Variants in JCAD observed in about 807,000 individuals in gnomAD.
The protein encoded by JCAD is junctional cadherin 5-associated protein.
Under a neutral mutation model 98.0 loss-of-function variants are expected in JCAD, and 40 were observed. The observed-to-expected ratio is 0.41, with a 90% CI of 0.32 to 0.53. JCAD has a LOEUF of 0.53. Ranked by LOEUF, JCAD falls within the 20% of genes least tolerant of loss-of-function variation. The pLI is 0.31. For synonymous variants in JCAD, 691 were observed against 682.3 expected (o/e 1.01, Z -0.20); for missense variants, 1,705 against 1,738.1 (o/e 0.98, Z 0.34).
At chr10:30,068,669 C>A (rs1428276300) in intron 2 of JCAD, among the ~76,000 whole-genome samples, 1 of 152,166 alleles carries the variant, frequency 6.6e-6, no homozygotes, top group Non-Finnish European at 1.5e-5. Flanking sequence ...ATCACAGGGC[C>A]AAACTAACAG....
intron 1 of JCAD, among the ~76,000 whole-genome samples, chr10:30,105,860 A>C (rs766432995): frequency 6.6e-6 from 1 of 152,216 alleles, no homozygotes; most frequent in Non-Finnish European, 1.5e-5. Context: ...GTAAAACATC[A>C]AAAGCTGATT....
In JCAD at chr10:30,082,874, AAAAC is replaced by A. The variant is rs1436895745; in HGVS notation, n.129-13057_129-13054del. On this transcript the variant is annotated intron_variant and non_coding_transcript_variant, in intron 1 of 2. Coordinates refer to the JCAD transcript ENST00000465712. Reference sequence around the variant, plus strand: ...CTCAAAAAAAAAAAAAAAAAAAAAAAAAACAAAAAATTAGCTGGGTGTGGTGGCA... The same window carrying A: ...CTCAAAAAAAAAAAAAAAAAAAAAAAAAAAAATTAGCTGGGTGTGGTGGCA... Among the ~76,000 whole-genome samples the A allele has an allele frequency of 3.1e-4, 46 of 147,874 alleles. 1 individual carries two copies. The highest frequency in any genetic ancestry group is 9.1e-4 in the South Asian group (4 of 4,398).
chr10:30,014,873 A>C lies in JCAD; in HGVS notation c.*3010T>G, dbSNP rs1836503358. 1 of 152,234 alleles carries C rather than the reference A, an allele frequency of 6.6e-6. No individual in the cohort carries two copies. The highest frequency in any genetic ancestry group is 1.9e-4 in the East Asian group (1 of 5,204). 9.4% of individuals were successfully genotyped at this position (152,234 alleles called of 1,614,324 possible). On this transcript the variant is annotated 3_prime_UTR_variant, in exon 4 of 4. Transcript: ENST00000375377. ...AACCTACAACTCTGCTAAGGAAACCAGGATCTCAAAGAACAGATTCATGTT... is the reference window on the plus strand; with the variant it reads ...AACCTACAACTCTGCTAAGGAAACCCGGATCTCAAAGAACAGATTCATGTT...
intron 3 of JCAD, among the ~76,000 whole-genome samples, chr10:30,018,764 G>A (rs987009781): frequency 6.6e-6 from 1 of 152,096 alleles, no homozygotes; most frequent in African/African-American, 2.4e-5. Flanking sequence ...AGATTTTCCT[G>A]CCATAGCAGC....
Position 30,026,382 on chromosome 10 carries a change from G to C in JCAD, c.3766C>G (p.Pro1256Ala). Reference protein sequence around the residue: ...KLASPPRRADPDRLMRMKEVS... With the variant: ...KLASPPRRADADRLMRMKEVS... ...TCTTTCATTCTCATCAGGCGGTCAG[G>C]GTCTGCTCTCCTAGGCGGGGAGGCC... is the stretch of plus-strand genomic sequence containing the variant. Residue 1256 changes from proline to alanine, a missense_variant, in exon 3 of 4, where the codon CCT (proline) becomes GCT (alanine). By Grantham distance (27) the Pro-to-Ala change is conservative. Transcript: ENST00000375377. 6.2e-7 allele frequency: 1 copy of C among 1,614,180 alleles called. No homozygotes were observed.
intron 1 of JCAD, among the ~76,000 whole-genome samples, chr10:30,100,506 C>A (rs764900011): frequency 3.3e-5 from 5 of 152,052 alleles, no homozygotes; most frequent in Admixed American, 6.6e-5. Context: ...CTCAGCCTCC[C>A]AAGTAGCTGG....
At chr10:30,058,589 G>GA (rs1589699052) in intron 1 of JCAD, among the ~76,000 whole-genome samples, 3 of 152,326 alleles carry the variant, frequency 2.0e-5, no homozygotes, top group Admixed American at 6.5e-5. Flanking sequence ...TGACGGAAGC[G>GA]AGAGGGGCGC....
intron 1 of JCAD, among the ~76,000 whole-genome samples, chr10:30,104,782 T>TTTTG (rs148220694): frequency 7.9e-5 from 12 of 151,902 alleles, no homozygotes; most frequent in South Asian, 6.2e-4. Flanking sequence ...AGTTTTTTGT[T>TTTTG]TTTGTTTGTT....
intron 2 of JCAD, among the ~76,000 whole-genome samples, chr10:30,069,206 G>A (rs1293473665): frequency 2.0e-5 from 3 of 152,010 alleles, no homozygotes; most frequent in Non-Finnish European, 2.9e-5. Flanking sequence ...TGGTCGCTTC[G>A]GCTCACATTG....
At chr10:30,047,481 C>A in intron 2 of JCAD, 51 bp downstream of exon 2, 1 of 1,566,674 alleles carries the variant, frequency 6.4e-7, no homozygotes, top group Non-Finnish European at 8.6e-7. Context: ...ACATCACCCA[C>A]CGCCAAACTC....
In JCAD at chr10:30,026,243, A is replaced by T. The variant is rs756396212; in HGVS notation, c.3905T>A (p.Leu1302His). The T allele has an allele frequency of 6.2e-7, 1 of 1,613,982 alleles. No homozygotes were observed. Reference protein sequence around the residue: ...TRGQAGLPGGLVSPGSGDRAQ... With the variant: ...TRGQAGLPGGHVSPGSGDRAQ... ...ACGGTCCCCACTGCCAGGAGACACAAGGCCTCCCGGGAGCCCGGCCTGGCC... is the reference window on the plus strand; with the variant it reads ...ACGGTCCCCACTGCCAGGAGACACATGGCCTCCCGGGAGCCCGGCCTGGCC... The change falls in exon 3 of 4, where the codon CTT becomes CAT. Residue 1302 changes from leucine to histidine, a missense_variant. Coordinates refer to ENST00000375377, the MANE Select transcript of JCAD (RefSeq NM_020848.4).
chr10:30,108,171 G>C (rs1838620609), intron 1 of JCAD, among the ~76,000 whole-genome samples: 3 of 152,108 alleles, frequency 2.0e-5, no homozygotes, highest in Non-Finnish European at 2.9e-5. Context: ...AATTAGCCGG[G>C]CGTGGTGGTG....
In JCAD at chr10:30,026,444, C is replaced by G; in HGVS notation, c.3704G>C (p.Ser1235Thr). The G allele has an allele frequency of 6.2e-7, 1 of 1,614,234 alleles. No homozygotes were observed. Among genetic ancestry groups the G allele is most frequent in the Non-Finnish European group, 8.5e-7 (1 of 1,180,050 alleles). ...TAAACTTTCAATCACTTTGGAAGGG[C>G]TTCTAAGTCTCTTTTCAGAGCCTGC... ...SVAGSEKRLR[S>T]PSKVIESLQE... The change falls in exon 3 of 4, where the codon AGC becomes ACC. Residue 1235 changes from serine to threonine, a missense_variant. This residue lies in a region of JCAD where 1,278 missense variants were observed against 1,243.1 expected (regional missense o/e 1.03). Coordinates refer to ENST00000375377, the MANE Select transcript of JCAD (RefSeq NM_020848.4).
chr10:30,048,020 T>A, intron 1 of JCAD, 149 bp from the exon 2 acceptor site: 1 of 532,514 alleles, frequency 1.9e-6, no homozygotes, highest in East Asian at 3.1e-5. Flanking sequence ...CAGGGATGGC[T>A]CTGCCTGAAA....
At chr10:30,035,206 G>A (rs965238838) in intron 2 of JCAD, among the ~76,000 whole-genome samples, 1 of 152,192 alleles carries the variant, frequency 6.6e-6, no homozygotes, top group Non-Finnish European at 1.5e-5. Flanking sequence ...TTCCTACAGA[G>A]GGAGCGTGGT....
At chr10:30,080,818 A>T (rs578074869) in intron 1 of JCAD, among the ~76,000 whole-genome samples, 1 of 152,246 alleles carries the variant, frequency 6.6e-6, no homozygotes, top group East Asian at 1.9e-4. Context: ...ATCCCCCAGC[A>T]TTAAACCACG....
At chr10:30,040,132 G>C (rs951594022) in intron 2 of JCAD, among the ~76,000 whole-genome samples, 3 of 152,114 alleles carry the variant, frequency 2.0e-5, no homozygotes, top group Non-Finnish European at 4.4e-5. Flanking sequence ...ATTTCAGATC[G>C]GCATTGTCTT....
At chr10:30,094,160 G>C (rs77843549) in intron 1 of JCAD, among the ~76,000 whole-genome samples, 3,553 of 152,258 alleles carry the variant, frequency 0.023, 51 homozygotes, top group South Asian at 0.039. Flanking sequence ...ATCAACAGCA[G>C]ACTGGGCACA....
At chr10:30,075,396 G>A (rs560265373) in intron 1 of JCAD, among the ~76,000 whole-genome samples, 6 of 152,272 alleles carry the variant, frequency 3.9e-5, no homozygotes, top group South Asian at 4.1e-4. Flanking sequence ...CATTAAACCC[G>A]TAGGTCTGGT....
Sources: allele counts gnomAD v4.1 joint callset (sites outside exome capture counted in the v4.1 genomes callset), GRCh38; gene constraint gnomAD v4.1.1; regional missense constraint gnomAD v4.1.1; transcripts MANE v1.5; gene names NCBI Gene and HGNC (gene_info 2026-07-23, HGNC 2026-07-21).